The following SYNE2 variants were observed in gnomAD, a reference collection of about 807,000 sequenced individuals.
SYNE2 encodes spectrin repeat containing nuclear envelope protein 2, also known as nesprin-2.
Under a neutral mutation model 856.3 loss-of-function variants are expected in SYNE2, and 431 were observed. The ratio of observed to expected loss-of-function variants is 0.50; its 90% confidence interval spans 0.47 to 0.55. The LOEUF is 0.55. Among genes scored for constraint, SYNE2 ranks in the 20% least tolerant of loss-of-function variants. SYNE2 has a pLI of 0.00. For synonymous variants in SYNE2, 2,923 were observed against 2,872.3 expected, an observed-to-expected ratio of 1.02 and a Z score of -0.56; for missense variants, 8,129 against 8,023.2, an observed-to-expected ratio of 1.01 and a Z score of -0.50.
rs759651313 is a variant in SYNE2, at chr14:63,976,638, G to T, written c.1204G>T (p.Val402Leu). 1 of 1,612,014 alleles carries T rather than the reference G, an allele frequency of 6.2e-7. No individual in the cohort carries two copies. Among genetic ancestry groups the T allele is most frequent in the Non-Finnish European group, 8.5e-7 (1 of 1,179,794 alleles). ...TCAAACTGAAGCTTGGCTCCAGGAGGTAGAAGAGCTTATGGATGAAGATTT... is the reference window on the plus strand; with the variant it reads ...TCAAACTGAAGCTTGGCTCCAGGAGTTAGAAGAGCTTATGGATGAAGATTT... ...LHQTEAWLQEVEELMDEDLSA... is the reference protein window; with the variant it reads ...LHQTEAWLQELEELMDEDLSA... The change falls in exon 12 of 116, where the codon GTA (valine) becomes TTA (leucine). Residue 402 changes from valine to leucine, a missense_variant. This residue lies in a region of SYNE2 where 2,422 missense variants were observed against 2,357.4 expected (regional missense o/e 1.03). Transcript: ENST00000555002.
chr14:63,936,825 G>A (rs752237712), intron 2 of SYNE2, among the ~76,000 whole-genome samples: 16 of 152,176 alleles, frequency 1.1e-4, no homozygotes, highest in African/African-American at 3.1e-4. Flanking sequence ...GGAATCTGTC[G>A]CAGTAACCCA....
intron 6 of SYNE2, among the ~76,000 whole-genome samples, chr14:63,944,326 A>G (rs2095981984): frequency 2.0e-5 from 3 of 148,594 alleles, no homozygotes. Context: ...AAATGGAGGC[A>G]TGATGTTTGT....
rs763117711 is a variant in SYNE2, at chr14:63,941,784, A to G, written c.231A>G (p.Gln77=). 1.2e-6 allele frequency: 2 copies of G among 1,613,918 alleles called. No individual in the cohort carries two copies. The highest frequency in any genetic ancestry group is 2.7e-5 in the African/African-American group (2 of 74,942). ...LLDLLEVLSG[Q]QLPRDKGSNT... ...ATCTGCTAGAAGTACTTTCTGGGCAACAGTTGGTAAGATTTTTAAATGACA... is the reference window on the plus strand; with the variant it reads ...ATCTGCTAGAAGTACTTTCTGGGCAGCAGTTGGTAAGATTTTTAAATGACA... The change falls in exon 4 of 116, where the codon CAA becomes CAG. Residue 77 remains glutamine, a synonymous_variant. Coordinates refer to ENST00000555002, the MANE Select transcript of SYNE2 (RefSeq NM_182914.3).
chr14:64,148,585 C>T (rs2098209893), intron 84 of SYNE2, among the ~76,000 whole-genome samples: 1 of 152,200 alleles, frequency 6.6e-6, no homozygotes, highest in Admixed American at 6.5e-5. Context: ...TCAATCAAAG[C>T]ACCCTGACCC....
chr14:63,885,291 C>T (rs1487452881), intron 1 of SYNE2, among the ~76,000 whole-genome samples: 2 of 151,564 alleles, frequency 1.3e-5, no homozygotes, highest in Admixed American at 1.3e-4. Flanking sequence ...CTGCTCACTC[C>T]TGCTTCCTTC....
intron 80 of SYNE2, 73 bp downstream of exon 80, chr14:64,140,146 A>G (rs1327642838): frequency 1.4e-6 from 2 of 1,464,552 alleles, no homozygotes; most frequent in African/African-American, 1.4e-5. Flanking sequence ...ATCAGGGTTG[A>G]TGTGATAGTC....
At chr14:63,879,891 G>A (rs773008256) in intron 1 of SYNE2, among the ~76,000 whole-genome samples, 1 of 152,196 alleles carries the variant, frequency 6.6e-6, no homozygotes, top group Non-Finnish European at 1.5e-5. Context: ...AAAGGATATC[G>A]CAGTTGCGTA....
intron 1 of SYNE2, among the ~76,000 whole-genome samples, chr14:63,814,946 CTATCCATATA>C (rs1290626981): frequency 1.0e-5 from 1 of 96,892 alleles, no homozygotes; most frequent in African/African-American, 3.6e-5. Flanking sequence ...CCATATATAT[CTATCCATATA>C]TATCCATATA....
intron 43 of SYNE2, 71 bp from the exon 44 acceptor site, chr14:64,029,824 A>G (rs946963838): frequency 3.1e-4 from 459 of 1,494,642 alleles, no homozygotes; most frequent in Non-Finnish European, 1.4e-4. Flanking sequence ...TTTATTAGTC[A>G]TTTAATTATT....
intron 48 of SYNE2, among the ~76,000 whole-genome samples, chr14:64,054,509 G>A (rs1205876475): frequency 6.6e-6 from 1 of 152,188 alleles, no homozygotes; most frequent in African/African-American, 2.4e-5. Flanking sequence ...AACAGAACCA[G>A]AGCAGGGAGC....
At chr14:64,186,350 A>T (rs542495025) in intron 96 of SYNE2, 74 bp from the exon 97 acceptor site, 18 of 1,593,744 alleles carry the variant, frequency 1.1e-5, no homozygotes, top group East Asian at 2.2e-5. Flanking sequence ...TAATCAAAGG[A>T]TTAGCCTACA....
chr14:63,985,228 G>A (rs2153477842), intron 18 of SYNE2, among the ~76,000 whole-genome samples: 1 of 151,330 alleles, frequency 6.6e-6, no homozygotes, highest in East Asian at 1.9e-4. Flanking sequence ...TTCTTGGGAG[G>A]CTGAGGCAGG....
intron 28 of SYNE2, among the ~76,000 whole-genome samples, chr14:64,000,927 ACTGCTAGC>A (rs2096749227): frequency 6.6e-6 from 1 of 152,218 alleles, no homozygotes; most frequent in Admixed American, 6.5e-5. Flanking sequence ...ACCAGGCCAC[ACTGCTAGC>A]TAGAAACTTA....
chr14:64,049,745 G>A lies in SYNE2; in HGVS notation c.7512G>A (p.Leu2504=), dbSNP rs773770240. Residue 2504 remains leucine, a synonymous_variant, in exon 47 of 116, where the codon TTG becomes TTA. Transcript: ENST00000555002. ...ATTCGGCACAGCATTTGGACAATTTGCTTCAGGCACTTATTACTTTGAAGA... is the reference window on the plus strand; with the variant it reads ...ATTCGGCACAGCATTTGGACAATTTACTTCAGGCACTTATTACTTTGAAGA... ...IGYSAQHLDN[L]LQALITLKKN... is the part of the protein sequence containing the mutation. The A allele has an allele frequency of 2.5e-6, 4 of 1,613,990 alleles. No homozygotes were observed. The African/African-American group carries it at 4.0e-5, about 16-fold the overall frequency.
chr14:64,123,472 A>G (rs1048924961), intron 70 of SYNE2, among the ~76,000 whole-genome samples: 5 of 152,202 alleles, frequency 3.3e-5, no homozygotes, highest in Non-Finnish European at 5.9e-5. Flanking sequence ...TTATTTGACC[A>G]ATTAAAGTTC....
chr14:64,012,990 C>T (rs2096858756), intron 32 of SYNE2, among the ~76,000 whole-genome samples: 1 of 152,112 alleles, frequency 6.6e-6, no homozygotes, highest in South Asian at 2.1e-4. Flanking sequence ...TGACAAAGTT[C>T]TACTCTCTTT....
intron 51 of SYNE2, 77 bp from the exon 52 acceptor site, chr14:64,070,562 CATACAA>C: frequency 8.5e-7 from 1 of 1,170,158 alleles, no homozygotes; most frequent in Non-Finnish European, 1.2e-6. Flanking sequence ...GAAGAGAGAG[CATACAA>C]AAATTATGTC....
chr14:63,833,526 G>A (rs1280019024), intron 1 of SYNE2, among the ~76,000 whole-genome samples: 1 of 152,160 alleles, frequency 6.6e-6, no homozygotes, highest in Non-Finnish European at 1.5e-5. Context: ...AACTACCTAT[G>A]TTTGTCTATG....
chr14:63,941,761 C>T lies in SYNE2; in HGVS notation c.208C>T (p.Leu70=), dbSNP rs770148376. The part of the protein sequence containing the change: ...DIKKGHVLLD[L]LEVLSGQQLP... The stretch of plus-strand genomic sequence containing the variant: ...TAAAAAGGGGCATGTCCTCCTGGAT[C>T]TGCTAGAAGTACTTTCTGGGCAACA... Residue 70 remains leucine, a synonymous_variant, in exon 4 of 116, where the codon CTG becomes TTG. Transcript: ENST00000555002. The T allele has an allele frequency of 1.9e-6, 3 of 1,613,976 alleles. No individual in the cohort carries two copies.
Sources: gnomAD v4.1 joint callset for allele counts (sites outside exome capture counted in the v4.1 genomes callset) on GRCh38, gnomAD v4.1.1 for gene constraint, gnomAD v4.1.1 regional missense constraint, MANE v1.5 for transcripts, NCBI Gene and HGNC (gene_info 2026-07-23, HGNC 2026-07-21) for gene names.